OGDH: variants seen among roughly 807,000 people sequenced by gnomAD.
OGDH encodes 2-oxoglutarate dehydrogenase complex component E1.
In OGDH, 38 loss-of-function variants were observed where a neutral mutation model predicts 116.6. That is an observed-to-expected ratio of 0.33 (90% confidence interval 0.25 to 0.43). The LOEUF (loss-of-function observed/expected upper bound fraction) is 0.43, where lower values mean the gene tolerates loss of function less well. Among genes scored for constraint, OGDH ranks in the 20% least tolerant of loss-of-function variants. The probability of loss-of-function intolerance (pLI) is 1.00; values close to 1 mark genes in which losing one functional copy is unlikely to be tolerated. For missense variants in OGDH, 825 were observed against 1,357.2 expected (o/e 0.61, Z 6.16); for synonymous variants, 488 against 533.3 (o/e 0.92, Z 1.17).
At chr7:44,643,258 A>C (rs1361444163) in intron 2 of OGDH, among the ~76,000 whole-genome samples, 2 of 152,150 alleles carry the variant, frequency 1.3e-5, no homozygotes, top group Non-Finnish European at 2.9e-5. Context: ...CTACAGGCAC[A>C]TGCTACTACA....
At chr7:44,667,667 A>G (rs921896909) in intron 5 of OGDH, among the ~76,000 whole-genome samples, 1 of 152,202 alleles carries the variant, frequency 6.6e-6, no homozygotes, top group Non-Finnish European at 1.5e-5. Flanking sequence ...TGGGCAAGTC[A>G]TAGCCTCCCT....
At chr7:44,638,878 G>T (rs1785794080) in intron 2 of OGDH, among the ~76,000 whole-genome samples, 2 of 152,182 alleles carry the variant, frequency 1.3e-5, no homozygotes. Context: ...TGTTTGCGCT[G>T]GGTGGTCAAT....
At chr7:44,661,623 G>T (rs377617708) in intron 4 of OGDH, among the ~76,000 whole-genome samples, 1 of 150,654 alleles carries the variant, frequency 6.6e-6, no homozygotes, top group Admixed American at 6.6e-5. Flanking sequence ...TTTTTGAGAC[G>T]GAGTTTCGCT....
chr7:44,636,334 C>T (rs1785668126), intron 2 of OGDH, among the ~76,000 whole-genome samples: 1 of 152,260 alleles, frequency 6.6e-6, no homozygotes, highest in South Asian at 2.1e-4. Context: ...CAACCAAGGA[C>T]TGGCAGGGAG....
chr7:44,620,968 A>G (rs1190692398), intron 1 of OGDH, among the ~76,000 whole-genome samples: 1 of 152,256 alleles, frequency 6.6e-6, no homozygotes, highest in African/African-American at 2.4e-5. Context: ...ATAACGTACT[A>G]TTCTTAAAGT....
chr7:44,680,133 G>T (rs922420547), intron 9 of OGDH, among the ~76,000 whole-genome samples: 3 of 152,086 alleles, frequency 2.0e-5, no homozygotes, highest in Non-Finnish European at 4.4e-5. Flanking sequence ...AATCACTTGA[G>T]CTTGGGAGGC....
At chr7:44,645,573 T>A in intron 3 of OGDH, 55 bp downstream of exon 3, 2 of 1,546,588 alleles carry the variant, frequency 1.3e-6, no homozygotes, top group Non-Finnish European at 1.8e-6. Context: ...CCTTAGGTCA[T>A]GCCTCATGGG....
intron 10 of OGDH, among the ~76,000 whole-genome samples, chr7:44,693,522 A>G (rs1788453391): frequency 6.6e-6 from 1 of 152,222 alleles, no homozygotes; most frequent in African/African-American, 2.4e-5. Flanking sequence ...ATATATGCAT[A>G]CAAAGAAAAT....
chr7:44,673,321 TAAATA>T (rs927005083), intron 5 of OGDH, among the ~76,000 whole-genome samples: 5 of 152,032 alleles, frequency 3.3e-5, no homozygotes, highest in African/African-American at 1.2e-4. Flanking sequence ...CTCAAAAAAA[TAAATA>T]AATAAATAAA....
chr7:44,700,178 A>G lies in OGDH; in HGVS notation c.2468A>G (p.Tyr823Cys). The G allele has an allele frequency of 6.2e-7, 1 of 1,614,204 alleles. No homozygotes were observed. The highest frequency in any genetic ancestry group is 8.5e-7 in the Non-Finnish European group (1 of 1,180,020). The change falls in exon 19 of 23, where the codon TAT becomes TGT. Residue 823 changes from tyrosine to cysteine, a missense_variant. By Grantham distance (194) the Tyr-to-Cys change is radical. Coordinates refer to ENST00000222673, the MANE Select transcript of OGDH (RefSeq NM_002541.4). ...KEANFDINQL[Y>C]DCNWVVVNCS... Reference sequence around the variant, plus strand: ...GCCAACTTCGACATCAATCAGCTATATGACTGCAATTGGGTTGTTGTCAAC... The same window carrying G: ...GCCAACTTCGACATCAATCAGCTATGTGACTGCAATTGGGTTGTTGTCAAC...
At chr7:44,670,725 G>A (rs536190822) in intron 5 of OGDH, among the ~76,000 whole-genome samples, 1 of 152,116 alleles carries the variant, frequency 6.6e-6, no homozygotes, top group Non-Finnish European at 1.5e-5. Context: ...AATATGGTTT[G>A]TGGGGCTGGG....
At chr7:44,657,135 T>A (rs1045043723) in intron 4 of OGDH, among the ~76,000 whole-genome samples, 3 of 152,194 alleles carry the variant, frequency 2.0e-5, no homozygotes, top group African/African-American at 7.2e-5. Context: ...GGTAACATCT[T>A]GAAAAGCTAT....
chr7:44,662,248 T>C (rs1786977868), intron 4 of OGDH, among the ~76,000 whole-genome samples: 1 of 152,136 alleles, frequency 6.6e-6, no homozygotes, highest in Admixed American at 6.5e-5. Context: ...CTTCTTTTAT[T>C]GTTTCCTTTC....
rs376930488 is a variant in OGDH, at chr7:44,700,240, C to T, written c.2530C>T (p.Arg844Cys). 2.5e-6 allele frequency: 4 copies of T among 1,614,204 alleles called. No homozygotes were observed. Among genetic ancestry groups the T allele is most frequent in the Non-Finnish European group, 3.4e-6 (4 of 1,180,040 alleles). The part of the protein sequence containing the change: ...TPGNFFHVLR[R>C]QILLPFRKPL... Reference sequence around the variant, plus strand: ...TGGCAACTTCTTCCACGTGCTACGACGCCAGATCCTGCTGCCATTCCGGAA... The same window carrying T: ...TGGCAACTTCTTCCACGTGCTACGATGCCAGATCCTGCTGCCATTCCGGAA... Residue 844 changes from arginine (R) to cysteine (C), a missense_variant, in exon 19 of 23, where the codon CGC (arginine) becomes TGC (cysteine). By Grantham distance (180) the Arg-to-Cys change is radical. This residue lies in a region of OGDH where 212 missense variants were observed against 284.3 expected (regional missense o/e 0.75). Transcript: ENST00000222673.
chr7:44,707,898 G>A lies in OGDH; in HGVS notation c.2971G>A (p.Ala991Thr). Residue 991 changes from alanine to threonine, a missense_variant, in exon 23 of 23, where the codon GCG becomes ACG. Ala to Thr is a moderately conservative substitution (Grantham distance 58). This residue lies in a region of OGDH where 212 missense variants were observed against 284.3 expected (regional missense o/e 0.75). Transcript: ENST00000222673. This position sits in a 1 kb window ranked among gnomAD's most constrained non-coding sequence, Gnocchi z 5.2. ...TCTCAGGTATGCCGGCCGGGACCCA[G>A]CGGCTGCTCCAGCCACCGGCAACAA... The part of the protein sequence containing the change: ...KPVWYAGRDP[A>T]AAPATGNKKT... 1 of 1,613,608 alleles carries A rather than the reference G, an allele frequency of 6.2e-7. No individual in the cohort carries two copies. Among genetic ancestry groups the A allele is most frequent in the Non-Finnish European group, 8.5e-7 (1 of 1,179,940 alleles).
At chr7:44,611,109 C>T (rs1784546767) in intron 1 of OGDH, among the ~76,000 whole-genome samples, 2 of 134,040 alleles carry the variant, frequency 1.5e-5, no homozygotes, top group Admixed American at 1.6e-4. Flanking sequence ...CGGTCTTACT[C>T]TGTCACCCCA....
chr7:44,611,182 C>A (rs971571280), intron 1 of OGDH, among the ~76,000 whole-genome samples: 3 of 151,080 alleles, frequency 2.0e-5, no homozygotes, highest in Non-Finnish European at 4.4e-5. Flanking sequence ...CTCAGGTGAT[C>A]CGGTGATCCT....
At chr7:44,684,629 T>C (rs1190886382) in intron 10 of OGDH, among the ~76,000 whole-genome samples, 1 of 151,998 alleles carries the variant, frequency 6.6e-6, no homozygotes, top group Non-Finnish European at 1.5e-5. Context: ...GAAGTGAAAA[T>C]TGAGGAGCAG....
intron 5 of OGDH, among the ~76,000 whole-genome samples, chr7:44,668,391 G>A (rs1447219513): frequency 4.6e-5 from 7 of 152,048 alleles, no homozygotes; most frequent in African/African-American, 7.2e-5. Context: ...AGCGAAGATC[G>A]CGCCACTGCA....
Sources: allele counts gnomAD v4.1 joint callset (sites outside exome capture counted in the v4.1 genomes callset), GRCh38; gene constraint gnomAD v4.1.1; regional missense constraint gnomAD v4.1.1; non-coding constraint Gnocchi (gnomAD v3.1); transcripts MANE v1.5; gene names NCBI Gene and HGNC (gene_info 2026-07-23, HGNC 2026-07-21).